PIBF1: variants seen among roughly 807,000 people sequenced by gnomAD.
PIBF1 encodes progesterone-induced-blocking factor 1.
PIBF1 carries 90 observed loss-of-function variants against 112.5 expected under a neutral mutation model. The ratio of observed to expected loss-of-function variants is 0.80; its 90% CI spans 0.67 to 0.95. PIBF1 has a LOEUF of 0.95. PIBF1 is among the 40% of genes least tolerant of loss of function. PIBF1 has a pLI of 0.00. For synonymous variants in PIBF1, 301 were observed against 288.6 expected (o/e 1.04, Z -0.44); for missense variants, 915 against 852.3 (o/e 1.07, Z -0.92).
At chr13:73,012,182 T>C (rs905996592) in intron 17 of PIBF1, among the ~76,000 whole-genome samples, 2 of 151,900 alleles carry the variant, frequency 1.3e-5, no homozygotes, top group East Asian at 3.9e-4. Flanking sequence ...TGAAACCCCA[T>C]CTCTACTAAA....
chr13:72,864,130 C>T (rs1171253432), intron 10 of PIBF1, among the ~76,000 whole-genome samples: 4 of 152,122 alleles, frequency 2.6e-5, no homozygotes, highest in Non-Finnish European at 5.9e-5. Flanking sequence ...TTAACTAAAT[C>T]CTGCTTAAGG....
intron 9 of PIBF1, among the ~76,000 whole-genome samples, chr13:72,844,728 T>TAC (rs1156334355): frequency 0.043 from 2,308 of 53,128 alleles, 222 homozygotes; most frequent in East Asian, 0.053. Context: ...TAATTTTATT[T>TAC]ACACACACAC....
intron 16 of PIBF1, among the ~76,000 whole-genome samples, chr13:72,989,027 G>A (rs2043390706): frequency 6.6e-6 from 1 of 152,108 alleles, no homozygotes; most frequent in Non-Finnish European, 1.5e-5. Context: ...GACAGAGTGA[G>A]TCTCCATCTC....
intron 5 of PIBF1, among the ~76,000 whole-genome samples, chr13:72,811,121 A>G (rs1016652068): frequency 3.3e-5 from 5 of 152,140 alleles, no homozygotes; most frequent in Admixed American, 1.3e-4. Flanking sequence ...TGGCTTCCCA[A>G]AGTGCTGGGA....
At chr13:72,996,217 C>T (rs2043664112) in intron 16 of PIBF1, among the ~76,000 whole-genome samples, 2 of 143,992 alleles carry the variant, frequency 1.4e-5, no homozygotes, top group Admixed American at 7.1e-5. Flanking sequence ...AATGACCACT[C>T]AGTAGAAAAA....
chr13:72,976,284 AAG>A (rs1157224695), intron 16 of PIBF1, among the ~76,000 whole-genome samples: 2 of 152,058 alleles, frequency 1.3e-5, no homozygotes, highest in Non-Finnish European at 2.9e-5. Flanking sequence ...TTAAAAAAGA[AAG>A]AAAGAGAAAG....
At chr13:72,819,142 C>T (rs2036428257) in intron 5 of PIBF1, among the ~76,000 whole-genome samples, 1 of 152,064 alleles carries the variant, frequency 6.6e-6, no homozygotes. Flanking sequence ...TCATATGCCT[C>T]TAGAAACCAG....
At chr13:72,922,096 A>G (rs554412079) in intron 13 of PIBF1, among the ~76,000 whole-genome samples, 45 of 152,090 alleles carry the variant, frequency 3.0e-4, no homozygotes, top group Non-Finnish European at 4.1e-4. Flanking sequence ...CCTCCTTTCT[A>G]TCTTCCTGAG....
At chr13:73,002,668 A>G (rs1471445161) in intron 17 of PIBF1, among the ~76,000 whole-genome samples, 1 of 152,060 alleles carries the variant, frequency 6.6e-6, no homozygotes, top group African/African-American at 2.4e-5. Context: ...TAGTCTTTTC[A>G]CCAAGTAGAT....
Position 72,827,766 on chromosome 13 carries a change from CA to C in PIBF1, c.953del (p.Lys318ArgfsTer46). The C allele has an allele frequency of 6.3e-7, 1 of 1,591,212 alleles. No individual in the cohort carries two copies. Among genetic ancestry groups the C allele is most frequent in the South Asian group, 1.2e-5 (1 of 85,556 alleles). ...CTTAGAGCAAACTGTTACTTTACTGCAAAAGGATAAAGAATATCTTAATCGC... is the reference window on the plus strand; with the variant it reads ...CTTAGAGCAAACTGTTACTTTACTGCAAAGGATAAAGAATATCTTAATCGC... ...VTLEQTVTLL[Q>X]KDKEYLNRQN... is the part of the protein sequence containing the mutation. On this transcript the variant is annotated frameshift_variant, in exon 8 of 18. Coordinates refer to ENST00000326291, the MANE Select transcript of PIBF1 (RefSeq NM_006346.4). LOFTEE classifies it high-confidence loss of function.
At chr13:72,981,016 G>A (rs946585106) in intron 16 of PIBF1, among the ~76,000 whole-genome samples, 10 of 151,616 alleles carry the variant, frequency 6.6e-5, no homozygotes, top group Admixed American at 6.6e-4. Context: ...AGGCGGAAGT[G>A]GGTGGATCCC....
At chr13:72,898,382 T>C (rs903271233) in intron 11 of PIBF1, among the ~76,000 whole-genome samples, 2 of 151,328 alleles carry the variant, frequency 1.3e-5, no homozygotes, top group Non-Finnish European at 1.5e-5. Context: ...AAACAGACAA[T>C]CTAAGGTCAC....
At chr13:72,955,286 T>G (rs1468351405) in intron 14 of PIBF1, among the ~76,000 whole-genome samples, 1 of 152,054 alleles carries the variant, frequency 6.6e-6, no homozygotes, top group Non-Finnish European at 1.5e-5. Context: ...AAAATTCAGT[T>G]AATATGGATC....
chr13:72,924,740 A>G lies in PIBF1; in HGVS notation c.1731-6425A>G, dbSNP rs868151615. Among the ~76,000 whole-genome samples, 7 of 152,170 alleles carry G rather than the reference A, an allele frequency of 4.6e-5. 1 individual carries two copies. The highest frequency in any genetic ancestry group is 6.3e-3 in the Middle Eastern group (2 of 316). On this transcript the variant is annotated intron_variant, in intron 13 of 17. Coordinates refer to ENST00000326291, the MANE Select transcript of PIBF1 (RefSeq NM_006346.4). ...AGAAAAAAAAAAAAGAAGATTTATT[A>G]AGTACCTACTCTGATAAGCTCTACA... is the stretch of plus-strand genomic sequence containing the variant.
At chr13:72,816,088 C>T (rs1274167104) in intron 5 of PIBF1, among the ~76,000 whole-genome samples, 1 of 152,130 alleles carries the variant, frequency 6.6e-6, no homozygotes, top group Non-Finnish European at 1.5e-5. Flanking sequence ...ATCAGTGTAG[C>T]ATTTTGCAAT....
intron 15 of PIBF1, among the ~76,000 whole-genome samples, chr13:72,966,093 G>C (rs2042731226): frequency 6.6e-6 from 1 of 151,946 alleles, no homozygotes; most frequent in Admixed American, 6.6e-5. Context: ...GATTTTTATG[G>C]GTAAATTATT....
chr13:72,916,642 T>G (rs1473968852), intron 12 of PIBF1, among the ~76,000 whole-genome samples: 1 of 152,004 alleles, frequency 6.6e-6, no homozygotes, highest in African/African-American at 2.4e-5. Flanking sequence ...GTACATAATT[T>G]TATTGTTGCA....
chr13:72,873,389 TA>T (rs1433657552), intron 10 of PIBF1, among the ~76,000 whole-genome samples: 1 of 152,096 alleles, frequency 6.6e-6, no homozygotes, highest in Non-Finnish European at 1.5e-5. Context: ...CGTGAACCAT[TA>T]AGAAAAACTT....
intron 9 of PIBF1, among the ~76,000 whole-genome samples, chr13:72,851,223 C>T (rs2038136147): frequency 6.6e-6 from 1 of 152,190 alleles, no homozygotes; most frequent in Non-Finnish European, 1.5e-5. Flanking sequence ...CCAGGCGCAG[C>T]TGCAGTGGCC....
Sources: allele counts gnomAD v4.1 joint callset (sites outside exome capture counted in the v4.1 genomes callset), GRCh38; gene constraint gnomAD v4.1.1; transcripts MANE v1.5; gene names NCBI Gene and HGNC (gene_info 2026-07-23, HGNC 2026-07-21).